Variants in CSMD1 observed in about 807,000 individuals in gnomAD.
CSMD1 encodes the protein CUB and Sushi multiple domains 1, also known as CUB and sushi domain-containing protein 1.
CSMD1 carries 213 observed loss-of-function variants against 417.5 expected under a neutral mutation model. That is an observed-to-expected ratio of 0.51 (90% confidence interval 0.46 to 0.57). The LOEUF (loss-of-function observed/expected upper bound fraction) is 0.57, where lower values mean the gene tolerates loss of function less well. Ranked by LOEUF, CSMD1 falls within the 20% of genes least tolerant of loss-of-function variation. The probability of loss-of-function intolerance (pLI) is 0.00; values close to 1 mark genes in which losing one functional copy is unlikely to be tolerated. For synonymous variants in CSMD1, 2,862 were observed against 1,736.8 expected (o/e 1.65, Z -16.11); for missense variants, 6,923 against 4,529.7 (o/e 1.53, Z -15.17).
rs147665171 is a variant in CSMD1, at chr8:4,382,627, T to C, written c.415+37326A>G. On this transcript the variant is annotated intron_variant, in intron 3 of 69. Coordinates refer to ENST00000635120, the MANE Select transcript of CSMD1 (RefSeq NM_033225.6). Reference sequence around the variant, plus strand: ...TAAATCTTAAAGGTCATACATATAATTGCATCTAAGTTTAGGAAAACAAGT... The same window carrying C: ...TAAATCTTAAAGGTCATACATATAACTGCATCTAAGTTTAGGAAAACAAGT... 3.7e-3 allele frequency among the ~76,000 whole-genome samples: 565 copies of C among 152,326 alleles called. 3 individuals carry two copies. The highest frequency in any genetic ancestry group is 0.013 in the African/African-American group (528 of 41,580).
intron 3 of CSMD1, among the ~76,000 whole-genome samples, chr8:4,307,399 C>G (rs538925082): frequency 1.3e-5 from 2 of 152,280 alleles, no homozygotes; most frequent in Admixed American, 6.5e-5. Context: ...ACTCTTTTCT[C>G]CACCACAATT....
At chr8:3,925,495 T>C (rs2222462) in intron 5 of CSMD1, among the ~76,000 whole-genome samples, 9,798 of 152,232 alleles carry the variant, frequency 0.064, 692 homozygotes, top group African/African-American at 0.18. Flanking sequence ...GGTAAGACAC[T>C]GATGCGGTTT....
chr8:4,028,484 G>C (rs948591274), intron 4 of CSMD1, among the ~76,000 whole-genome samples: 15 of 151,662 alleles, frequency 9.9e-5, no homozygotes, highest in Admixed American at 7.9e-4. Flanking sequence ...GATCTCATAA[G>C]ACTCTAACAT....
chr8:4,056,796 T>A (rs1244875425), intron 3 of CSMD1, among the ~76,000 whole-genome samples: 2 of 152,176 alleles, frequency 1.3e-5, no homozygotes, highest in Admixed American at 6.6e-5. Context: ...TTTCGTTTTT[T>A]GTCCTTGTGA....
intron 5 of CSMD1, among the ~76,000 whole-genome samples, chr8:3,919,648 C>G (rs778401105): frequency 6.6e-6 from 1 of 151,774 alleles, no homozygotes; most frequent in Non-Finnish European, 1.5e-5. Flanking sequence ...AATTTTATGA[C>G]TTTTTTTTCT....
chr8:3,796,062 ATATC>A lies in CSMD1; in HGVS notation c.819-42024_819-42021del, dbSNP rs1300624040. Among the ~76,000 whole-genome samples the A allele has an allele frequency of 8.1e-5, 4 of 49,630 alleles. 1 individual carries two copies. Among genetic ancestry groups the A allele is most frequent in the Non-Finnish European group, 1.8e-4 (4 of 22,680 alleles). 32.6% of individuals were successfully genotyped at this position (49,630 alleles called of 152,430 possible). On this transcript the variant is annotated intron_variant, in intron 5 of 69. Coordinates refer to ENST00000635120, the MANE Select transcript of CSMD1 (RefSeq NM_033225.6). ...ATATATCTATCATAGATATAGATAT[ATATC>A]TATCATAGATATAGATATATATCTA...
At chr8:4,125,223 C>G (rs144727298) in intron 3 of CSMD1, among the ~76,000 whole-genome samples, 2 of 152,276 alleles carry the variant, frequency 1.3e-5, no homozygotes, top group South Asian at 4.1e-4. Flanking sequence ...GAGCTGGGAA[C>G]TGCTTAGGGC....
At chr8:3,029,607 C>T in intron 50 of CSMD1, 94 bp from the exon 51 acceptor site, 2 of 1,118,882 alleles carry the variant, frequency 1.8e-6, no homozygotes, top group Non-Finnish European at 2.5e-6. Flanking sequence ...CTATATGAAA[C>T]TGATCTTGTT....
chr8:4,943,353 G>C (rs547388072), intron 1 of CSMD1, among the ~76,000 whole-genome samples: 1 of 151,860 alleles, frequency 6.6e-6, no homozygotes, highest in Admixed American at 6.6e-5. Flanking sequence ...AAAATTAGCC[G>C]GGCGTGGTGG....
chr8:3,733,248 T>G (rs944956056), intron 6 of CSMD1, among the ~76,000 whole-genome samples: 3 of 106,980 alleles, frequency 2.8e-5, no homozygotes, highest in Non-Finnish European at 3.8e-5. Context: ...TTACACATAT[T>G]AATATATATA....
At chr8:4,579,321 C>G (rs1413332986) in intron 2 of CSMD1, among the ~76,000 whole-genome samples, 1 of 151,146 alleles carries the variant, frequency 6.6e-6, no homozygotes. Context: ...GAAGTTTAAA[C>G]ATACATACAT....
intron 5 of CSMD1, among the ~76,000 whole-genome samples, chr8:3,875,044 G>C (rs1290164763): frequency 6.6e-6 from 1 of 152,094 alleles, no homozygotes; most frequent in African/African-American, 2.4e-5. Context: ...GCATGAGCTG[G>C]GGCGGCTGAA....
intron 10 of CSMD1, among the ~76,000 whole-genome samples, chr8:3,559,096 T>C (rs1799355355): frequency 6.6e-6 from 1 of 152,232 alleles, no homozygotes; most frequent in Non-Finnish European, 1.5e-5. Flanking sequence ...TAACATCCTC[T>C]GATTTTAACT....
At chr8:4,771,794 T>G (rs1038484309) in intron 1 of CSMD1, among the ~76,000 whole-genome samples, 1 of 152,214 alleles carries the variant, frequency 6.6e-6, no homozygotes, top group East Asian at 1.9e-4. Flanking sequence ...ACATCCCTGA[T>G]GTTCCCAAAG....
At chr8:4,083,891 A>G (rs551458824) in intron 3 of CSMD1, among the ~76,000 whole-genome samples, 1 of 152,302 alleles carries the variant, frequency 6.6e-6, no homozygotes, top group East Asian at 1.9e-4. Context: ...AACTACCACC[A>G]GAGTGAACAG....
intron 25 of CSMD1, among the ~76,000 whole-genome samples, chr8:3,299,896 G>C (rs1417400161): frequency 6.6e-6 from 1 of 152,120 alleles, no homozygotes; most frequent in African/African-American, 2.4e-5. Context: ...TACTGCTGGT[G>C]GTATATCTAC....
intron 1 of CSMD1, among the ~76,000 whole-genome samples, chr8:4,889,954 C>T (rs1803998359): frequency 6.6e-6 from 1 of 152,122 alleles, no homozygotes; most frequent in Admixed American, 6.5e-5. Context: ...AATGTATGAC[C>T]TTTCAACTAC....
chr8:3,806,170 G>C (rs1428419504), intron 5 of CSMD1, among the ~76,000 whole-genome samples: 1 of 152,146 alleles, frequency 6.6e-6, no homozygotes, highest in Non-Finnish European at 1.5e-5. Flanking sequence ...CATCATATAA[G>C]ATACCTTGGG....
chr8:3,379,385 T>C (rs1319784173), intron 18 of CSMD1, among the ~76,000 whole-genome samples: 19 of 152,196 alleles, frequency 1.2e-4, no homozygotes, highest in Admixed American at 9.2e-4. Context: ...TTCATTGAAT[T>C]AGAAAAAACT....
Sources: gnomAD v4.1 joint callset for allele counts (sites outside exome capture counted in the v4.1 genomes callset) on GRCh38, gnomAD v4.1.1 for gene constraint, MANE v1.5 for transcripts, NCBI Gene and HGNC (gene_info 2026-07-23, HGNC 2026-07-21) for gene names.